The following IGF2BP2 variants were observed in gnomAD, a reference collection of about 807,000 sequenced individuals.
The protein encoded by IGF2BP2 is insulin-like growth factor 2 mRNA-binding protein 2.
Under a neutral mutation model 75.8 loss-of-function variants are expected in IGF2BP2, and 17 were observed. The observed-to-expected ratio is 0.22, with a 90% confidence interval of 0.15 to 0.34. The LOEUF is 0.34. Ranked by LOEUF, IGF2BP2 falls within the 10% of genes least tolerant of loss-of-function variation. The pLI, the probability that IGF2BP2 is intolerant of heterozygous loss-of-function variation, is 1.00. For synonymous variants in IGF2BP2, 288 were observed against 295.6 expected, an observed-to-expected ratio of 0.97 and a Z score of 0.26; for missense variants, 516 against 772.4, an observed-to-expected ratio of 0.67 and a Z score of 3.93.
Position 185,647,282 on chromosome 3 carries a change from C to A in IGF2BP2, c.1594-144G>T, listed in dbSNP as rs1208593456. ...TCTCCTTTCCTTTTATCAAGGACAC[C>A]CCGGGGGCTCCTCTGCCCCTGAGCA... On this transcript the variant is annotated intron_variant, in intron 14 of 15. Transcript: ENST00000382199. The surrounding 1 kb of genome is among the most constrained non-coding windows in gnomAD (Gnocchi z 4.9). 1.5e-6 allele frequency: 1 copy of A among 659,906 alleles called. No homozygotes were observed. Among genetic ancestry groups the A allele is most frequent in the East Asian group, 2.7e-5 (1 of 37,368 alleles). 40.9% of individuals were successfully genotyped at this position (659,906 alleles called of 1,614,324 possible).
rs559659865 is a variant in IGF2BP2 at position 185,655,319 on chromosome 3, T to C, written c.1386+1967A>G. 2.0e-5 allele frequency among the ~76,000 whole-genome samples: 3 copies of C among 152,238 alleles called. No individual in the cohort carries two copies. The South Asian group carries it at 6.2e-4, about 32-fold the overall frequency. On this transcript the variant is annotated intron_variant, in intron 12 of 15. Transcript: ENST00000382199. ...GCTAATTTTTATATTTTTGTAGAGA[T>C]GGGGTTTCACCCTATTGCCCAGGCT...
chr3:185,722,053 G>T (rs1726637030), intron 2 of IGF2BP2: 4 of 275,890 alleles, frequency 1.4e-5, no homozygotes, highest in East Asian at 2.7e-4. Context: ...GGATCTTCCT[G>T]CCTTAGTCGC....
chr3:185,723,526 T>A (rs948923131), intron 2 of IGF2BP2, among the ~76,000 whole-genome samples: 7 of 152,208 alleles, frequency 4.6e-5, no homozygotes, highest in Admixed American at 4.6e-4. Context: ...CCCACCCCAG[T>A]GTCTCTGTTG....
intron 9 of IGF2BP2, among the ~76,000 whole-genome samples, chr3:185,672,935 C>T (rs976747967): frequency 6.6e-6 from 1 of 152,150 alleles, no homozygotes; most frequent in Non-Finnish European, 1.5e-5. Context: ...ACCTTGCCAG[C>T]CTCACTCCTG....
At chr3:185,758,845 T>G (rs917937771) in intron 2 of IGF2BP2, among the ~76,000 whole-genome samples, 3 of 152,244 alleles carry the variant, frequency 2.0e-5, no homozygotes, top group Non-Finnish European at 4.4e-5. Context: ...TGGTCACTTG[T>G]TGCTTTCAGC....
At chr3:185,739,739 C>T (rs1255995297) in intron 2 of IGF2BP2, among the ~76,000 whole-genome samples, 3 of 152,150 alleles carry the variant, frequency 2.0e-5, no homozygotes, top group South Asian at 2.1e-4. Context: ...CATCTGCCAC[C>T]GTGCTTAAGA....
chr3:185,730,416 A>G (rs1727989202), intron 2 of IGF2BP2, among the ~76,000 whole-genome samples: 2 of 149,930 alleles, frequency 1.3e-5, no homozygotes, highest in Admixed American at 1.3e-4. Context: ...ATAAACATAC[A>G]AGCGCAGGTG....
At chr3:185,659,455 C>A (rs1335779696) in intron 10 of IGF2BP2, among the ~76,000 whole-genome samples, 1 of 152,134 alleles carries the variant, frequency 6.6e-6, no homozygotes, top group African/African-American at 2.4e-5. Flanking sequence ...CTCACTGCAA[C>A]CTCCGCCCCC....
chr3:185,817,691 A>G (rs1180732826), intron 2 of IGF2BP2, among the ~76,000 whole-genome samples: 1 of 152,206 alleles, frequency 6.6e-6, no homozygotes, highest in Non-Finnish European at 1.5e-5. Context: ...TTTAATGGTG[A>G]TGATAAATGG....
chr3:185,689,195 G>C (rs1721564029), intron 6 of IGF2BP2, 160 bp downstream of exon 6: 4 of 699,278 alleles, frequency 5.7e-6, no homozygotes, highest in Non-Finnish European at 9.3e-6. Flanking sequence ...CCCCCAGCTT[G>C]ATGTTAGTCT....
At chr3:185,779,080 C>CT (rs59796150) in intron 2 of IGF2BP2, among the ~76,000 whole-genome samples, 21,113 of 140,074 alleles carry the variant, frequency 0.15, 2,341 homozygotes, top group African/African-American at 0.33. Flanking sequence ...TGGAACAAAG[C>CT]TTTTTTTTTT....
chr3:185,810,463 C>T (rs1248840709), intron 2 of IGF2BP2, among the ~76,000 whole-genome samples: 2 of 152,166 alleles, frequency 1.3e-5, no homozygotes, highest in Non-Finnish European at 2.9e-5. Flanking sequence ...AAACCATTTG[C>T]CTTATATCAG....
chr3:185,823,330 T>G lies in IGF2BP2; in HGVS notation c.179-117A>C. The G allele has an allele frequency of 4.7e-6, 3 of 640,032 alleles. 1 individual carries two copies. The South Asian group carries it at 7.7e-5, about 16-fold the overall frequency. The allele number at this position is 640,032 out of a possible 1,614,324, so 39.6% of individuals were successfully genotyped here. Reference sequence around the variant, plus strand: ...TCCGCCTTCGGGCGCCCCCAAGGGGTCTCCTACCCGGATCGAGCTGGGCGA... The same window carrying G: ...TCCGCCTTCGGGCGCCCCCAAGGGGGCTCCTACCCGGATCGAGCTGGGCGA... On this transcript the variant is annotated intron_variant, in intron 1 of 15. Transcript: ENST00000382199.
At chr3:185,768,541 A>AT (rs1040370141) in intron 2 of IGF2BP2, among the ~76,000 whole-genome samples, 2 of 152,200 alleles carry the variant, frequency 1.3e-5, no homozygotes, top group Admixed American at 6.5e-5. Context: ...TTTAAATTAT[A>AT]TTTTGAATAT....
rs140669105 is a variant in IGF2BP2 at position 185,672,635 on chromosome 3, C to T, written c.1106G>A (p.Ser369Asn). ...TCCTGTTGAAAAGATGCCAAGTGCG[C>T]TGAGGTTCAACCCTGGGATCAGATT... ...QANLIPGLNL[S>N]ALGIFSTGLS... The change falls in exon 10 of 16, where the codon AGC becomes AAC. Residue 369 changes from serine (S) to asparagine (N), a missense_variant. This residue lies in a region of IGF2BP2 where 312 missense variants were observed against 474.5 expected (regional missense o/e 0.66). Coordinates refer to ENST00000382199, the MANE Select transcript of IGF2BP2 (RefSeq NM_006548.6). 42 of 1,614,006 alleles carry T rather than the reference C, an allele frequency of 2.6e-5. No homozygotes were observed. The African/African-American group carries it at 5.2e-4, about 20-fold the overall frequency.
chr3:185,801,829 ATG>A (rs1305287140), intron 2 of IGF2BP2, among the ~76,000 whole-genome samples: 1 of 152,182 alleles, frequency 6.6e-6, no homozygotes, highest in African/African-American at 2.4e-5. Context: ...ATGGAATACT[ATG>A]TAGCCATAAA....
At chr3:185,760,924 A>G (rs1732271894) in intron 2 of IGF2BP2, among the ~76,000 whole-genome samples, 1 of 151,874 alleles carries the variant, frequency 6.6e-6, no homozygotes, top group Admixed American at 6.6e-5. Flanking sequence ...TTAGTATTCA[A>G]CCTTAATTTT....
At chr3:185,802,236 G>A in intron 2 of IGF2BP2, among the ~76,000 whole-genome samples, 1 of 58,608 alleles carries the variant, frequency 1.7e-5, no homozygotes, top group East Asian at 3.5e-4. Flanking sequence ...CACACAGGTA[G>A]AGAGGTTCTG....
chr3:185,824,705 C>G, intron 1 of IGF2BP2, 78 bp downstream of exon 1: 2 of 1,134,538 alleles, frequency 1.8e-6, no homozygotes, highest in Non-Finnish European at 2.2e-6. Context: ...CGCCGCCCGC[C>G]GGACTCGGCC....
Sources: allele counts gnomAD v4.1 joint callset (sites outside exome capture counted in the v4.1 genomes callset), GRCh38; gene constraint gnomAD v4.1.1; regional missense constraint gnomAD v4.1.1; non-coding constraint Gnocchi (gnomAD v3.1); transcripts MANE v1.5; gene names NCBI Gene and HGNC (gene_info 2026-07-23, HGNC 2026-07-21).